The following AASDH variants were observed in gnomAD, a reference collection of about 807,000 sequenced individuals.
The protein encoded by AASDH is beta-alanine-activating enzyme.
A neutral mutation model predicts 102.3 loss-of-function variants in AASDH; 81 were observed. That is an observed-to-expected ratio of 0.79 (90% CI 0.66 to 0.95). AASDH has a LOEUF of 0.95. Ranked by LOEUF, AASDH falls within the 40% of genes least tolerant of loss-of-function variation. AASDH has a pLI of 0.00. For missense variants in AASDH, 1,203 were observed against 1,266.2 expected (o/e 0.95, Z 0.76); for synonymous variants, 398 against 454.0 (o/e 0.88, Z 1.57).
chr4:56,384,366 G>A, intron 1 of AASDH, 25 bp from the exon 2 acceptor site: 2 of 1,441,144 alleles, frequency 1.4e-6, no homozygotes, highest in Non-Finnish European at 1.9e-6. Flanking sequence ...AAGTGTTAGG[G>A]GGAGAGGGAG....
Position 56,344,962 on chromosome 4 carries a change from G to C in AASDH, c.2652+165C>G, listed in dbSNP as rs189620036. ...TTTCTTTTTTTTTTTTTTTTTTTGA[G>C]ATAGAGTCTCACTCTGTCACCCAGG... is the stretch of plus-strand genomic sequence containing the variant. On this transcript the variant is annotated intron_variant, in intron 12 of 14. Transcript: ENST00000205214. 1.1e-3 allele frequency among the ~76,000 whole-genome samples: 143 copies of C among 129,786 alleles called. 2 individuals are homozygous for C. The highest frequency in any genetic ancestry group is 2.0e-3 in the Non-Finnish European group (125 of 62,656). 85.1% of individuals were successfully genotyped at this position (129,786 alleles called of 152,430 possible).
At chr4:56,367,548 C>T (rs1751164881) in intron 5 of AASDH, among the ~76,000 whole-genome samples, 1 of 125,244 alleles carries the variant, frequency 8.0e-6, no homozygotes, top group Non-Finnish European at 1.7e-5. Flanking sequence ...GAACAGAGCC[C>T]TCAGAAATAA....
chr4:56,360,481 G>T (rs1050731692), intron 5 of AASDH, among the ~76,000 whole-genome samples: 1 of 152,148 alleles, frequency 6.6e-6, no homozygotes, highest in African/African-American at 2.4e-5. Flanking sequence ...AATTGGGGTG[G>T]GGATGATAGG....
intron 5 of AASDH, among the ~76,000 whole-genome samples, chr4:56,362,986 G>T (rs1002808613): frequency 2.0e-5 from 3 of 152,226 alleles, no homozygotes; most frequent in Non-Finnish European, 4.4e-5. Flanking sequence ...AAAGAAAGGG[G>T]TGACAGACGG....
chr4:56,368,983 A>G (rs1213527493), intron 5 of AASDH, among the ~76,000 whole-genome samples: 3 of 152,092 alleles, frequency 2.0e-5, no homozygotes, highest in African/African-American at 4.8e-5. Context: ...TGCCTCACAC[A>G]AAGGAAAGGA....
At chr4:56,382,671 A>G in intron 2 of AASDH, 74 bp from the exon 3 acceptor site, 4 of 1,495,996 alleles carry the variant, frequency 2.7e-6, no homozygotes, top group Non-Finnish European at 2.7e-6. Context: ...CTATTTCTCT[A>G]TGCACTTTAT....
In AASDH at chr4:56,348,941, A is replaced by G. The variant is rs1748644677; in HGVS notation, c.2488+322T>C. 8.8e-6 allele frequency: 3 copies of G among 340,690 alleles called. No individual in the cohort carries two copies. The South Asian group carries it at 1.4e-4, about 16-fold the overall frequency. The allele number at this position is 340,690 out of a possible 1,614,324, so 21.1% of individuals were successfully genotyped here. A position where few individuals can be genotyped will look rare whatever the true frequency, so the allele number is the denominator to read the frequency against. ...TGAGACAATAAATTTGTGTTGTTCT[A>G]GGTTGTTGAGTTTTGGGGTATTTGT... On this transcript the variant is annotated intron_variant, in intron 11 of 14. Coordinates refer to ENST00000205214, the MANE Select transcript of AASDH (RefSeq NM_181806.4).
intron 5 of AASDH, among the ~76,000 whole-genome samples, chr4:56,368,350 C>T (rs1017918139): frequency 7.2e-5 from 11 of 152,060 alleles, no homozygotes; most frequent in Non-Finnish European, 4.4e-5. Flanking sequence ...TCCATTTGAC[C>T]CAGCCATCCC....
intron 5 of AASDH, among the ~76,000 whole-genome samples, chr4:56,364,154 G>A (rs537691598): frequency 6.6e-6 from 1 of 152,260 alleles, no homozygotes; most frequent in African/African-American, 2.4e-5. Context: ...GAAGTGAGAA[G>A]GGAAGTTTAG....
intron 5 of AASDH, among the ~76,000 whole-genome samples, chr4:56,364,922 G>T (rs1750794635): frequency 1.3e-5 from 2 of 152,086 alleles, no homozygotes; most frequent in South Asian, 4.1e-4. Flanking sequence ...ACACAGACTG[G>T]CAAATTGGAT....
At chr4:56,339,931 G>A (rs532003270) in intron 14 of AASDH, among the ~76,000 whole-genome samples, 187 of 152,082 alleles carry the variant, frequency 1.2e-3, no homozygotes, top group African/African-American at 4.5e-3. Context: ...CACTTTGGGA[G>A]GCCAAGGCAG....
At chr4:56,358,118 AT>A (rs1749831627) in intron 5 of AASDH, among the ~76,000 whole-genome samples, 1 of 151,472 alleles carries the variant, frequency 6.6e-6, no homozygotes, top group South Asian at 2.1e-4. Flanking sequence ...TCATTTTTAG[AT>A]TTTTCTTTAA....
intron 7 of AASDH, among the ~76,000 whole-genome samples, chr4:56,354,471 A>G (rs1411375710): frequency 1.3e-5 from 2 of 152,180 alleles, no homozygotes; most frequent in Non-Finnish European, 2.9e-5. Context: ...TTGGCTATAA[A>G]TATAAATATG....
At chr4:56,361,188 G>C (rs1750243997) in intron 5 of AASDH, among the ~76,000 whole-genome samples, 1 of 152,280 alleles carries the variant, frequency 6.6e-6, no homozygotes, top group Admixed American at 6.5e-5. Flanking sequence ...AAGGCGGGCA[G>C]ATCACTTAAG....
intron 5 of AASDH, among the ~76,000 whole-genome samples, chr4:56,363,920 C>T (rs1750659021): frequency 6.6e-6 from 1 of 152,066 alleles, no homozygotes; most frequent in South Asian, 2.1e-4. Context: ...GATCAAACTA[C>T]TCTGAGCTAA....
rs1749279258 is a variant in AASDH at position 56,353,951 on chromosome 4, T to C, written c.1383+88A>G. 2.4e-6 allele frequency: 3 copies of C among 1,254,556 alleles called. No homozygotes were observed. In the Admixed American group the frequency reaches 9.0e-5, roughly 38 times the overall value. 77.7% of individuals were successfully genotyped at this position (1,254,556 alleles called of 1,614,324 possible). A position where few individuals can be genotyped will look rare whatever the true frequency, so the allele number is the denominator to read the frequency against. On this transcript the variant is annotated intron_variant, in intron 8 of 14. Coordinates refer to ENST00000205214, the MANE Select transcript of AASDH (RefSeq NM_181806.4). Reference sequence around the variant, plus strand: ...CTAACACAAAAATGTCAGGTGTAAATAATAGAGACCCCAGCACAGAAAATT... The same window carrying C: ...CTAACACAAAAATGTCAGGTGTAAACAATAGAGACCCCAGCACAGAAAATT...
chr4:56,372,861 G>C (rs1751910195), intron 4 of AASDH, among the ~76,000 whole-genome samples: 1 of 152,198 alleles, frequency 6.6e-6, no homozygotes, highest in African/African-American at 2.4e-5. Context: ...CAAGGGAAAA[G>C]TGTCCATTTT....
At position 56,339,388 on chromosome 4, in the gene AASDH, G is replaced by A. The variant is rs552033384; in HGVS notation, c.2908-597C>T. Among the ~76,000 whole-genome samples, 23 of 152,016 alleles carry A rather than the reference G, an allele frequency of 1.5e-4. No individual in the cohort carries two copies. The South Asian group carries it at 3.7e-3, about 25-fold the overall frequency. On this transcript the variant is annotated intron_variant, in intron 14 of 14. Transcript: ENST00000205214. ...TCTCGATCTCCTGACCTCGTGATCC[G>A]CCCACCTCGGCCTCCCAAAGTGCAG...
In AASDH at chr4:56,384,133, T is replaced by C; in HGVS notation, c.167A>G (p.Gln56Arg). 1 of 1,614,142 alleles carries C rather than the reference T, an allele frequency of 6.2e-7. No individual in the cohort carries two copies. Among genetic ancestry groups the C allele is most frequent in the Non-Finnish European group, 8.5e-7 (1 of 1,180,022 alleles). ...GTAGAGACCAATTTCCCGAATTCCT[T>C]GAAAGTCACAGTGTAACAGCAGAAA... ...SNFLLLHCDF[Q>R]GIREIGLYCQ... Residue 56 changes from glutamine to arginine, a missense_variant, in exon 2 of 15, where the codon CAA becomes CGA. Gln to Arg is a conservative substitution (Grantham distance 43). Coordinates refer to ENST00000205214, the MANE Select transcript of AASDH (RefSeq NM_181806.4).
Sources: allele counts gnomAD v4.1 joint callset (sites outside exome capture counted in the v4.1 genomes callset), GRCh38; gene constraint gnomAD v4.1.1; transcripts MANE v1.5; gene names NCBI Gene and HGNC (gene_info 2026-07-23, HGNC 2026-07-21).